The following COLEC10 variants were observed in gnomAD, a reference collection of about 807,000 sequenced individuals.
COLEC10 encodes the protein collectin subfamily member 10.
In COLEC10, 22 loss-of-function variants were observed where a neutral mutation model predicts 28.4. The ratio of observed to expected loss-of-function variants is 0.78; its 90% CI spans 0.55 to 1.11. The LOEUF is 1.11. Ranked by LOEUF, COLEC10 falls within the 50% of genes least tolerant of loss-of-function variation. The pLI, the probability that COLEC10 is intolerant of heterozygous loss-of-function variation, is 0.00. For synonymous variants in COLEC10, 125 were observed against 116.1 expected (o/e 1.08, Z -0.49); for missense variants, 361 against 344.1 (o/e 1.05, Z -0.39).
At chr8:119,082,700 T>C (rs1815392838) in intron 1 of COLEC10, among the ~76,000 whole-genome samples, 1 of 152,126 alleles carries the variant, frequency 6.6e-6, no homozygotes, top group Non-Finnish European at 1.5e-5. Flanking sequence ...AAGACAAAAA[T>C]CCACATAATA....
chr8:119,077,273 T>G (rs1372416726), intron 1 of COLEC10, among the ~76,000 whole-genome samples: 2 of 123,086 alleles, frequency 1.6e-5, no homozygotes, highest in African/African-American at 2.9e-5. Context: ...TTTTTGCCTC[T>G]CCATGATTTG....
the COLEC10 span, among the ~76,000 whole-genome samples, chr8:118,977,749 T>TA: frequency 1.3e-5 from 2 of 148,564 alleles, no homozygotes; most frequent in Non-Finnish European, 1.5e-5. Context: ...AGTATAATAA[T>TA]AATAAATAAA....
chr8:119,033,470 C>T (rs767640948), intron 2 of COLEC10, among the ~76,000 whole-genome samples: 6 of 151,946 alleles, frequency 3.9e-5, no homozygotes, highest in African/African-American at 4.8e-5. Context: ...ACCTATAGAA[C>T]GGGAGAAAAA....
At chr8:119,089,872 A>C in intron 2 of COLEC10, 121 bp downstream of exon 2, 8 of 715,838 alleles carry the variant, frequency 1.1e-5, no homozygotes, top group South Asian at 1.8e-5. Context: ...TGCCTGAAAT[A>C]TATTTCACAC....
At chr8:118,982,286 C>T in the COLEC10 span, among the ~76,000 whole-genome samples, 26 of 152,062 alleles carry the variant, frequency 1.7e-4, no homozygotes, top group Non-Finnish European at 3.2e-4. Flanking sequence ...TTCAGAAGAA[C>T]AAGTTCCCTC....
At chr8:119,065,601 G>A (rs555819347), upstream of COLEC10, among the ~76,000 whole-genome samples, 7 of 152,084 alleles carry the variant, frequency 4.6e-5, no homozygotes, top group African/African-American at 1.4e-4. Context: ...TCACACCTGC[G>A]ATCCCAGCAC....
chr8:119,006,223 C>T (rs1198230374), intron 1 of COLEC10, among the ~76,000 whole-genome samples: 1 of 151,962 alleles, frequency 6.6e-6, no homozygotes, highest in Non-Finnish European at 1.5e-5. Context: ...TGTAAGTGGA[C>T]CTGAGTAGTG....
At chr8:119,082,907 C>T (rs1815395930) in intron 1 of COLEC10, among the ~76,000 whole-genome samples, 1 of 152,162 alleles carries the variant, frequency 6.6e-6, no homozygotes, top group Non-Finnish European at 1.5e-5. Flanking sequence ...GGTGTTTCCT[C>T]CTTTGTGCTC....
chr8:119,057,004 C>T (rs977841106), intron 2 of COLEC10, among the ~76,000 whole-genome samples: 1 of 152,018 alleles, frequency 6.6e-6, no homozygotes, highest in Non-Finnish European at 1.5e-5. Flanking sequence ...TTCTTTTATT[C>T]CTCTCCCACT....
chr8:119,056,356 G>A (rs891766492), intron 2 of COLEC10, among the ~76,000 whole-genome samples: 1 of 152,020 alleles, frequency 6.6e-6, no homozygotes, highest in South Asian at 2.1e-4. Flanking sequence ...ACAACGAGAT[G>A]AAAGTGGATT....
chr8:118,970,955 A>T, the COLEC10 span, among the ~76,000 whole-genome samples: 24 of 152,100 alleles, frequency 1.6e-4, no homozygotes, highest in Admixed American at 6.6e-4. Flanking sequence ...AAGGAGCCTG[A>T]CTTTGTAATG....
chr8:119,104,318 T>C (rs1815896569), intron 5 of COLEC10, among the ~76,000 whole-genome samples: 2 of 152,166 alleles, frequency 1.3e-5, no homozygotes, highest in African/African-American at 4.8e-5. Context: ...CATAATTGTT[T>C]ATGTAGTATG....
intron 1 of COLEC10, among the ~76,000 whole-genome samples, chr8:119,083,451 G>T (rs1278727098): frequency 6.6e-6 from 1 of 152,210 alleles, no homozygotes; most frequent in Non-Finnish European, 1.5e-5. Context: ...GATTGAGAAT[G>T]AGTAAGTGTG....
At chr8:119,100,469 CAGGTAAGAGA>C (rs1390394052) in intron 3 of COLEC10, among the ~76,000 whole-genome samples, 1 of 152,132 alleles carries the variant, frequency 6.6e-6, no homozygotes, top group Non-Finnish European at 1.5e-5. Flanking sequence ...TTCCAACTTA[CAGGTAAGAGA>C]AATAAGGAAT....
At chr8:119,071,042 A>T (rs1312904806) in intron 1 of COLEC10, among the ~76,000 whole-genome samples, 5 of 152,160 alleles carry the variant, frequency 3.3e-5, no homozygotes, top group Admixed American at 2.6e-4. Flanking sequence ...TCATTTCATG[A>T]CATCCACTAG....
At chr8:119,062,319 A>G (rs764995096), upstream of COLEC10, among the ~76,000 whole-genome samples, 52 of 152,262 alleles carry the variant, frequency 3.4e-4, no homozygotes, top group Non-Finnish European at 5.9e-4. Flanking sequence ...TACAAAGGAG[A>G]TAAATTAAGA....
At chr8:119,082,303 C>T (rs1238295338) in intron 1 of COLEC10, among the ~76,000 whole-genome samples, 1 of 152,184 alleles carries the variant, frequency 6.6e-6, no homozygotes, top group Non-Finnish European at 1.5e-5. Context: ...GGAGTCAATC[C>T]ATTAATCAGC....
Position 119,096,523 on chromosome 8 carries a change from G to A in COLEC10, c.292+5303G>A, listed in dbSNP as rs566150587. On this transcript the variant is annotated intron_variant, in intron 3 of 5. Transcript: ENST00000332843. ...GGAGAATCACTTGAACCAGGGAGGC[G>A]GAGATTGCAGTGAGCAAAGATCACA... 4.6e-5 allele frequency among the ~76,000 whole-genome samples: 7 copies of A among 151,440 alleles called. 1 individual carries two copies. Among genetic ancestry groups the A allele is most frequent in the Admixed American group, 6.6e-5 (1 of 15,212 alleles).
intron 2 of COLEC10, among the ~76,000 whole-genome samples, chr8:119,054,103 C>T (rs1814724235): frequency 6.6e-6 from 1 of 152,054 alleles, no homozygotes; most frequent in African/African-American, 2.4e-5. Context: ...AAGATGACTA[C>T]TAAGTGACTA....
Sources: gnomAD v4.1 joint callset for allele counts (sites outside exome capture counted in the v4.1 genomes callset) on GRCh38, gnomAD v4.1.1 for gene constraint, MANE v1.5 for transcripts, NCBI Gene and HGNC (gene_info 2026-07-23, HGNC 2026-07-21) for gene names.